Variants in HDAC7 observed in about 807,000 individuals in gnomAD.
The protein encoded by HDAC7 is histone deacetylase 7.
Under a neutral mutation model 115.5 loss-of-function variants are expected in HDAC7, and 26 were observed. The observed-to-expected ratio is 0.23, with a 90% CI of 0.16 to 0.31. The LOEUF is 0.31. Among genes scored for constraint, HDAC7 ranks in the 10% least tolerant of loss-of-function variants. HDAC7 has a pLI of 1.00. For synonymous variants in HDAC7, 564 were observed against 550.9 expected (o/e 1.02, Z -0.33); for missense variants, 1,068 against 1,329.0 (o/e 0.80, Z 3.05).
intron 16 of HDAC7, chr12:47,790,756 A>AG (rs1943448893): frequency 5.6e-6 from 1 of 180,112 alleles, no homozygotes; most frequent in Admixed American, 5.6e-5. Flanking sequence ...GTGAGGACTT[A>AG]GGAAGCAAAG....
chr12:47,785,363 C>T (rs752886827), intron 24 of HDAC7, 24 bp downstream of exon 24: 14 of 1,578,724 alleles, frequency 8.9e-6, no homozygotes, highest in South Asian at 2.3e-5. Context: ...CTGAGCTCAG[C>T]GAGTGTCCCA....
intron 15 of HDAC7, 98 bp from the exon 16 acceptor site, chr12:47,791,406 G>A: frequency 7.1e-7 from 1 of 1,403,248 alleles, no homozygotes; most frequent in East Asian, 2.5e-5. Flanking sequence ...GTGAGTATTG[G>A]GGGAGAGAAA....
rs547985277 is a variant in HDAC7, at chr12:47,791,644, C to T, written c.1875G>A (p.Val625=). 3.5e-4 allele frequency: 562 copies of T among 1,612,988 alleles called. 8 individuals are homozygous for T. In the South Asian group the frequency reaches 5.9e-3, roughly 17 times the overall value. ...TGAGCGGGTTGGTGCCGTAGAGGAGCACGTGCCGCTCAGAGTGGACCGACT... is the reference window on the plus strand; with the variant it reads ...TGAGCGGGTTGGTGCCGTAGAGGAGTACGTGCCGCTCAGAGTGGACCGACT... The part of the protein sequence containing the change: ...ELQSVHSERH[V]LLYGTNPLSR... The change falls in exon 15 of 26, where the codon GTG becomes GTA. Residue 625 remains valine (V), a synonymous_variant. Transcript: ENST00000080059.
intron 24 of HDAC7, chr12:47,784,597 G>T: frequency 1.1e-6 from 1 of 908,416 alleles, no homozygotes; most frequent in Non-Finnish European, 1.6e-6. Flanking sequence ...CCCCAAGCTC[G>T]GGCCTCCCAC....
chr12:47,795,774 G>T lies in HDAC7; in HGVS notation c.907-7C>A, dbSNP rs995560602. 1 of 1,521,136 alleles carries T rather than the reference G, an allele frequency of 6.6e-7. No individual in the cohort carries two copies. Among genetic ancestry groups the T allele is most frequent in the East Asian group, 2.5e-5 (1 of 40,654 alleles). 94.2% of individuals were successfully genotyped at this position (1,521,136 alleles called of 1,614,324 possible). The stretch of plus-strand genomic sequence containing the variant: ...TCCTGCGGTCACTGTCAGCCTGGGG[G>T]AGAGGCGGGAGAAGTCACGGGGAAG... On this transcript the variant is annotated splice_region_variant and splice_polypyrimidine_tract_variant and intron_variant, in intron 9 of 25. Coordinates refer to ENST00000080059, the MANE Select transcript of HDAC7 (RefSeq NM_015401.5). This position sits in a 1 kb window ranked among gnomAD's most constrained non-coding sequence, Gnocchi z 4.3.
Position 47,783,510 on chromosome 12 carries a change from C to T in HDAC7, c.*331G>A. On this transcript the variant is annotated 3_prime_UTR_variant, in exon 26 of 26. Coordinates refer to ENST00000080059, the MANE Select transcript of HDAC7 (RefSeq NM_015401.5). ...GCCAGGAATAGTGGTTAAGGGTGAGCCCGACGGAGCCGGAGCCAGTCCTCC... is the reference window on the plus strand; with the variant it reads ...GCCAGGAATAGTGGTTAAGGGTGAGTCCGACGGAGCCGGAGCCAGTCCTCC... 1 of 357,950 alleles carries T rather than the reference C, an allele frequency of 2.8e-6. No individual in the cohort carries two copies. Among genetic ancestry groups the T allele is most frequent in the Non-Finnish European group, 5.4e-6 (1 of 186,878 alleles). 22.2% of individuals were successfully genotyped at this position (357,950 alleles called of 1,614,324 possible).
In HDAC7 at chr12:47,796,215, C is replaced by G; in HGVS notation, c.787G>C (p.Gly263Arg). The G allele has an allele frequency of 6.2e-7, 1 of 1,607,874 alleles. No individual in the cohort carries two copies. The highest frequency in any genetic ancestry group is 8.5e-7 in the Non-Finnish European group (1 of 1,178,150). Residue 263 changes from glycine to arginine, a missense_variant, in exon 8 of 26, where the codon GGC becomes CGC. By Grantham distance (125) the Gly-to-Arg change is moderately radical. Around this residue, in one of 6 missense-constraint regions of HDAC7, gnomAD observed 618 missense variants for 701.5 expected, o/e 0.88. Transcript: ENST00000080059. ...DSEHGPNPIL[G>R]SEALLGQRLR... ...TCTCGGCAAGGCCTTACCTCCGAGC[C>G]CAGGATGGGATTGGGGCCGTGCTCG...
intron 1 of HDAC7, among the ~76,000 whole-genome samples, chr12:47,817,249 C>T (rs1257153553): frequency 6.6e-6 from 1 of 152,242 alleles, no homozygotes; most frequent in Non-Finnish European, 1.5e-5. Context: ...TCCTTCCTGC[C>T]TCCCCAGAGC....
chr12:47,789,211 C>A, intron 19 of HDAC7, 50 bp downstream of exon 19: 1 of 1,401,792 alleles, frequency 7.1e-7, no homozygotes. Flanking sequence ...AGGCTCAGGG[C>A]TTTTCCCCCA....
Position 47,784,067 on chromosome 12 carries a change from G to A in HDAC7, c.2930+12C>T, listed in dbSNP as rs763995232. On this transcript the variant is annotated intron_variant, in intron 25 of 25. Coordinates refer to ENST00000080059, the MANE Select transcript of HDAC7 (RefSeq NM_015401.5). ...AGAGGCTGTGGGCCCAGGGCCAGGG[G>A]TCTGGCATTACCTATCTTCAGCCAG... The A allele has an allele frequency of 6.2e-7, 1 of 1,612,080 alleles. No individual in the cohort carries two copies. The highest frequency in any genetic ancestry group is 8.5e-7 in the Non-Finnish European group (1 of 1,179,114).
intron 16 of HDAC7, 197 bp from the exon 17 acceptor site, chr12:47,790,117 A>G: frequency 1.7e-6 from 1 of 589,754 alleles, no homozygotes; most frequent in South Asian, 2.0e-5. Context: ...TTCCCAGCTT[A>G]AGTCCCAGCA....
chr12:47,794,989 G>GGA, intron 11 of HDAC7, 56 bp from the exon 12 acceptor site: 7 of 1,531,582 alleles, frequency 4.6e-6, no homozygotes, highest in South Asian at 3.7e-5. Context: ...GCATGGGGTG[G>GGA]GAGGTGGTGG....
At chr12:47,801,369 A>G (rs939584276) in intron 2 of HDAC7, among the ~76,000 whole-genome samples, 3 of 152,276 alleles carry the variant, frequency 2.0e-5, no homozygotes, top group African/African-American at 7.2e-5. Context: ...TGTCCAGGAA[A>G]GTACCCTGGC....
At chr12:47,804,062 T>G (rs1439591114) in intron 1 of HDAC7, among the ~76,000 whole-genome samples, 1 of 152,154 alleles carries the variant, frequency 6.6e-6, no homozygotes, top group East Asian at 1.9e-4. Context: ...CTTGCTCCCC[T>G]GGTAACCACA....
rs530818307 is a variant in HDAC7, at chr12:47,812,127, C to G, written c.19+7640G>C. ...ATCCCAGACCCTCCCCAAGCTGGCA[C>G]AGCAGCCCCTCTCCAGGGCCAGCTG... On this transcript the variant is annotated intron_variant, in intron 1 of 25. Coordinates refer to ENST00000080059, the MANE Select transcript of HDAC7 (RefSeq NM_015401.5). Among the ~76,000 whole-genome samples the G allele has an allele frequency of 4.6e-5, 7 of 152,362 alleles. No individual in the cohort carries two copies. The East Asian group carries it at 1.4e-3, about 29-fold the overall frequency.
chr12:47,784,942 T>A (rs1943083816), intron 24 of HDAC7: 9 of 628,132 alleles, frequency 1.4e-5, no homozygotes, highest in Non-Finnish European at 2.2e-5. Flanking sequence ...GCTCAATAGA[T>A]GTTGAGTTGA....
At chr12:47,791,735 T>A (rs772508817) in intron 14 of HDAC7, 29 bp from the exon 15 acceptor site, 1 of 1,610,898 alleles carries the variant, frequency 6.2e-7, no homozygotes, top group African/African-American at 1.3e-5. Flanking sequence ...AGCTCTGAGC[T>A]CATGCTCGCC....
rs770010093 is a variant in HDAC7, at chr12:47,789,509, T to TC, written c.2147+13dup. Reference sequence around the variant, plus strand: ...CCCCCACCTCATCCCACCCAGGTCTTCCCTTAGCCTTACATGGCTGTTGAA... The same window carrying TC: ...CCCCCACCTCATCCCACCCAGGTCTTCCCCTTAGCCTTACATGGCTGTTGAA... On this transcript the variant is annotated intron_variant, in intron 18 of 25. Coordinates refer to ENST00000080059, the MANE Select transcript of HDAC7 (RefSeq NM_015401.5). The TC allele has an allele frequency of 1.2e-6, 2 of 1,613,902 alleles. No homozygotes were observed. Among genetic ancestry groups the TC allele is most frequent in the Non-Finnish European group, 1.7e-6 (2 of 1,179,768 alleles).
At position 47,784,195 on chromosome 12, in the gene HDAC7, C is replaced by T. The variant is rs1943022470; in HGVS notation, c.2814G>A (p.Gln938=). 1 of 1,612,512 alleles carries T rather than the reference C, an allele frequency of 6.2e-7. No individual in the cohort carries two copies. Among genetic ancestry groups the T allele is most frequent in the East Asian group, 2.2e-5 (1 of 44,852 alleles). The change falls in exon 25 of 26, where the codon CAG becomes CAA. Residue 938 remains glutamine (Q), a synonymous_variant. Coordinates refer to ENST00000080059, the MANE Select transcript of HDAC7 (RefSeq NM_015401.5). ...AGGAGTCTGGACAGGAGGCCAGGCG[C>T]TGCATGCAGCCCCAGTATTTACCTG... ...RVHSKYWGCM[Q]RLASCPDSWV...
Sources: allele counts gnomAD v4.1 joint callset (sites outside exome capture counted in the v4.1 genomes callset), GRCh38; gene constraint gnomAD v4.1.1; regional missense constraint gnomAD v4.1.1; non-coding constraint Gnocchi (gnomAD v3.1); transcripts MANE v1.5; gene names NCBI Gene and HGNC (gene_info 2026-07-23, HGNC 2026-07-21).